Variants in BABAM2 observed in about 807,000 individuals in gnomAD.
BABAM2 encodes the protein BRISC and BRCA1 A complex member 2, also known as BRISC and BRCA1-A complex member 2.
In BABAM2, 31 loss-of-function variants were observed where a neutral mutation model predicts 54.7. That is an observed-to-expected ratio of 0.57 (90% confidence interval 0.43 to 0.77). The LOEUF is 0.77. Among genes scored for constraint, BABAM2 ranks in the 30% least tolerant of loss-of-function variants. The probability of loss-of-function intolerance (pLI) is 0.00; values close to 1 mark genes in which losing one functional copy is unlikely to be tolerated. For synonymous variants in BABAM2, 167 were observed against 162.9 expected, an observed-to-expected ratio of 1.03 and a Z score of -0.19; for missense variants, 364 against 455.8, an observed-to-expected ratio of 0.80 and a Z score of 1.83.
Position 27,929,858 on chromosome 2 carries a change from A to G in BABAM2, c.155A>G (p.Asn52Ser). 1 of 1,613,910 alleles carries G rather than the reference A, an allele frequency of 6.2e-7. No individual in the cohort carries two copies. Among genetic ancestry groups the G allele is most frequent in the Non-Finnish European group, 8.5e-7 (1 of 1,179,810 alleles). ...SGCTSLTPGP[N>S]CDRFKLHIPY... ...TGCACATCATTGACTCCTGGGCCCA[A>G]CTGTGACCGATTTAAACTGCACATA... Residue 52 changes from asparagine (N) to serine (S), a missense_variant, in exon 3 of 12, where the codon AAC becomes AGC. Asn to Ser is a conservative substitution (Grantham distance 46). Transcript: ENST00000379624.
At chr2:28,316,440 G>A (rs1258072496) in intron 11 of BABAM2, among the ~76,000 whole-genome samples, 1 of 124,232 alleles carries the variant, frequency 8.0e-6, no homozygotes, top group Non-Finnish European at 1.7e-5. Context: ...GGGTGGGGGT[G>A]GGAGTCGGGG....
At chr2:28,146,008 T>C (rs996257244) in intron 7 of BABAM2, among the ~76,000 whole-genome samples, 5 of 152,252 alleles carry the variant, frequency 3.3e-5, no homozygotes, top group Non-Finnish European at 7.3e-5. Context: ...TGTTACCACT[T>C]TTTGCCTATT....
At chr2:28,249,578 A>G (rs778907854) in intron 10 of BABAM2, among the ~76,000 whole-genome samples, 5 of 151,388 alleles carry the variant, frequency 3.3e-5, no homozygotes, top group Non-Finnish European at 7.4e-5. Context: ...TGCATTTTTA[A>G]AACAAATATT....
chr2:27,899,682 G>A (rs771484582), intron 2 of BABAM2, among the ~76,000 whole-genome samples: 1 of 152,014 alleles, frequency 6.6e-6, no homozygotes, highest in South Asian at 2.1e-4. Context: ...GGCTAGGTTG[G>A]TGTCAAACTC....
chr2:28,076,920 T>C (rs1049517180), intron 6 of BABAM2, among the ~76,000 whole-genome samples: 7 of 152,232 alleles, frequency 4.6e-5, no homozygotes, highest in African/African-American at 1.7e-4. Context: ...TTCATCTGTA[T>C]ATCATTGCCT....
At chr2:28,327,200 G>C (rs1448147717) in intron 11 of BABAM2, 8 of 1,488,830 alleles carry the variant, frequency 5.4e-6, no homozygotes, top group Non-Finnish European at 6.3e-6. Flanking sequence ...GAGCCCATTA[G>C]GACTACCCTG....
At chr2:28,302,161 T>G (rs1688160331) in intron 11 of BABAM2, among the ~76,000 whole-genome samples, 1 of 152,116 alleles carries the variant, frequency 6.6e-6, no homozygotes, top group Non-Finnish European at 1.5e-5. Context: ...TCACGTCTGT[T>G]CTCCCAGCAT....
rs1469271178 is a variant in BABAM2, at chr2:27,890,774, T to G, written c.-93T>G. The stretch of plus-strand genomic sequence containing the variant: ...CGCGGCGCGCGCGCAGGTCGGTGCG[T>G]CTGTCGGGGGCGCGCTCGGGTACCT... On this transcript the variant is annotated 5_prime_UTR_variant, in exon 1 of 12. Coordinates refer to ENST00000379624, the MANE Select transcript of BABAM2 (RefSeq NM_199191.3). The surrounding 1 kb of genome is among the most constrained non-coding windows in gnomAD (Gnocchi z 4.8). 1 of 152,492 alleles carries G rather than the reference T, an allele frequency of 6.6e-6. No homozygotes were observed. The highest frequency in any genetic ancestry group is 6.6e-5 in the Admixed American group (1 of 15,246). 9.4% of individuals were successfully genotyped at this position (152,492 alleles called of 1,614,324 possible). A position where few individuals can be genotyped will look rare whatever the true frequency, so the allele number is the denominator to read the frequency against.
intron 3 of BABAM2, among the ~76,000 whole-genome samples, chr2:27,981,712 A>G (rs931974661): frequency 1.3e-5 from 2 of 152,174 alleles, no homozygotes; most frequent in African/African-American, 4.8e-5. Flanking sequence ...TTCAAATTTG[A>G]ATAATATTCC....
chr2:28,209,377 A>G (rs1417983471), intron 7 of BABAM2, among the ~76,000 whole-genome samples: 1 of 152,186 alleles, frequency 6.6e-6, no homozygotes, highest in Non-Finnish European at 1.5e-5. Flanking sequence ...GTCATCTTAC[A>G]AATTGGAGGT....
intron 6 of BABAM2, among the ~76,000 whole-genome samples, chr2:28,073,040 T>C (rs1664313048): frequency 1.3e-5 from 2 of 152,232 alleles, no homozygotes; most frequent in African/African-American, 4.8e-5. Flanking sequence ...TCCTTCTCTT[T>C]CTCTGCTAGA....
chr2:27,913,420 A>G (rs1419170930), intron 2 of BABAM2, among the ~76,000 whole-genome samples: 1 of 152,156 alleles, frequency 6.6e-6, no homozygotes, highest in African/African-American at 2.4e-5. Flanking sequence ...CAACAGTAGT[A>G]TGTTATTGAT....
chr2:28,046,192 T>C (rs948853777), intron 6 of BABAM2, among the ~76,000 whole-genome samples: 2 of 152,186 alleles, frequency 1.3e-5, no homozygotes, highest in Admixed American at 1.3e-4. Flanking sequence ...CGGTGGCTCA[T>C]GCCTGTAATC....
At chr2:28,071,297 GTTA>G (rs1176112851) in intron 6 of BABAM2, among the ~76,000 whole-genome samples, 3 of 151,842 alleles carry the variant, frequency 2.0e-5, no homozygotes, top group African/African-American at 7.3e-5. Context: ...TTATCGTTTT[GTTA>G]TTATTGTTGT....
chr2:28,041,485 C>A (rs1218514455), intron 5 of BABAM2, among the ~76,000 whole-genome samples: 1 of 152,156 alleles, frequency 6.6e-6, no homozygotes, highest in African/African-American at 2.4e-5. Context: ...ATGTAGTAGC[C>A]ATTTTCTTAT....
At position 27,894,673 on chromosome 2, in the gene BABAM2, C is replaced by T; in HGVS notation, c.117C>T (p.Asp39=). ...CTACAAACTGTTTGAGGATAACTGA[C>T]TTAAAATCTGGGTATGTACCAGAAT... ...LDATNCLRIT[D]LKSGCTSLTP... is the part of the protein sequence containing the mutation. The change falls in exon 2 of 12, where the codon GAC becomes GAT. Residue 39 remains aspartate (D), a synonymous_variant. Transcript: ENST00000379624. 6.2e-7 allele frequency: 1 copy of T among 1,614,106 alleles called. No individual in the cohort carries two copies. Among genetic ancestry groups the T allele is most frequent in the African/African-American group, 1.3e-5 (1 of 75,022 alleles).
At chr2:28,001,872 C>T (rs930992027) in intron 4 of BABAM2, among the ~76,000 whole-genome samples, 3 of 151,984 alleles carry the variant, frequency 2.0e-5, no homozygotes, top group African/African-American at 7.3e-5. Flanking sequence ...CCCACCAGGC[C>T]CCACCTCCAA....
Position 27,894,662 on chromosome 2 carries a change from A to C in BABAM2, c.106A>C (p.Arg36=), listed in dbSNP as rs200906690. 4.1e-5 allele frequency: 66 copies of C among 1,614,050 alleles called. No homozygotes were observed. The Middle Eastern group carries it at 1.8e-3, about 44-fold the overall frequency. Residue 36 remains arginine (R), a synonymous_variant, in exon 2 of 12, where the codon AGG becomes CGG. Coordinates refer to ENST00000379624, the MANE Select transcript of BABAM2 (RefSeq NM_199191.3). ...KVGLDATNCL[R]ITDLKSGCTS... ...GGGACTGGATGCTACAAACTGTTTG[A>C]GGATAACTGACTTAAAATCTGGGTA... is the stretch of plus-strand genomic sequence containing the variant.
chr2:28,333,080 C>T (rs1288012218), intron 11 of BABAM2, among the ~76,000 whole-genome samples: 1 of 152,006 alleles, frequency 6.6e-6, no homozygotes, highest in African/African-American at 2.4e-5. Context: ...GAGCCTCTTC[C>T]CCTTGGCCCC....
Sources: gnomAD v4.1 joint callset for allele counts (sites outside exome capture counted in the v4.1 genomes callset) on GRCh38, gnomAD v4.1.1 for gene constraint, Gnocchi (gnomAD v3.1) non-coding constraint, MANE v1.5 for transcripts, NCBI Gene and HGNC (gene_info 2026-07-23, HGNC 2026-07-21) for gene names.